Variants in OFD1 observed in about 807,000 individuals in gnomAD.
OFD1 encodes centriole and centriolar satellite protein OFD1.
OFD1 carries 12 observed loss-of-function variants against 81.4 expected under a neutral mutation model. The ratio of observed to expected loss-of-function variants is 0.15; its 90% confidence interval spans 0.09 to 0.24. OFD1 has a LOEUF of 0.24. Ranked by LOEUF, OFD1 falls within the 10% of genes least tolerant of loss-of-function variation. The pLI is 1.00. For synonymous variants in OFD1, 256 were observed against 263.7 expected (o/e 0.97, Z 0.28); for missense variants, 685 against 733.9 (o/e 0.93, Z 0.77).
chrX:13,714,510 G>C, the OFD1 span: 1 of 1,022,879 alleles, frequency 9.8e-7, no homozygotes, highest in Non-Finnish European at 1.3e-6. Flanking sequence ...TGAAAACTAG[G>C]AAAGAAGAAA....
At chrX:13,765,629 C>G (rs111810131) in intron 19 of OFD1, among the ~76,000 whole-genome samples, 2 of 110,719 alleles carry the variant, frequency 1.8e-5, no homozygotes, top group Non-Finnish European at 3.8e-5. Context: ...AAGTCCTCTG[C>G]TGAACCTATG....
upstream of OFD1, chrX:13,734,605 C>A: frequency 1.3e-6 from 1 of 749,106 alleles, no homozygotes; most frequent in Non-Finnish European, 1.7e-6. Context: ...AGCCAGAACG[C>A]CGAAGCAGTT....
upstream of OFD1, among the ~76,000 whole-genome samples, chrX:13,732,170 T>A (rs781360188): frequency 8.9e-6 from 1 of 111,782 alleles, no homozygotes; most frequent in South Asian, 3.8e-4. Flanking sequence ...TTCAATAATA[T>A]TATCATCTTT....
intron 7 of OFD1, 143 bp from the exon 8 acceptor site, chrX:13,746,637 A>G: frequency 4.4e-6 from 3 of 684,418 alleles, no homozygotes; most frequent in Non-Finnish European, 6.6e-6. Flanking sequence ...AATCCTACAA[A>G]TAGAGTGAAT....
upstream of OFD1, among the ~76,000 whole-genome samples, chrX:13,732,188 G>C (rs1031973172): frequency 2.7e-5 from 3 of 111,746 alleles, no homozygotes; most frequent in African/African-American, 9.8e-5. Flanking sequence ...TTTGGGGAAG[G>C]TACTCAGTTC....
In OFD1 at chrX:13,760,672, C is replaced by A; in HGVS notation, c.2212C>A (p.Pro738Thr). The A allele has an allele frequency of 8.3e-7, 1 of 1,211,559 alleles. No individual in the cohort carries two copies. Among genetic ancestry groups the A allele is most frequent in the Non-Finnish European group, 1.1e-6 (1 of 895,364 alleles). ...TTCCTCCAGACGCCTCTCTTCCACA[C>A]CCCTTCCAAAAGCAAAAAGAAGCCT... ...GTSSRRLSST[P>T]LPKAKRSLES... The change falls in exon 16 of 23, where the codon CCC (proline) becomes ACC (threonine). Residue 738 changes from proline (P) to threonine (T), a missense_variant. Coordinates refer to ENST00000340096, the MANE Select transcript of OFD1 (RefSeq NM_003611.3).
chrX:13,764,477 C>A (rs1270966491), intron 19 of OFD1, among the ~76,000 whole-genome samples: 3 of 111,572 alleles, frequency 2.7e-5, no homozygotes, highest in Non-Finnish European at 5.6e-5. Context: ...TACCCACTTC[C>A]CTCCCTGCGG....
chrX:13,725,567 CA>C, the OFD1 span, among the ~76,000 whole-genome samples: 1 of 112,111 alleles, frequency 8.9e-6, no homozygotes, highest in Non-Finnish European at 1.9e-5. Context: ...TCATCATCAA[CA>C]AAAACAACAT....
At chrX:13,767,561 G>A (rs1276794674) in intron 20 of OFD1, among the ~76,000 whole-genome samples, 2 of 112,360 alleles carry the variant, frequency 1.8e-5, no homozygotes, top group Non-Finnish European at 3.8e-5. Flanking sequence ...GGTAGACTGT[G>A]CTTTGCTGCA....
At chrX:13,768,393 T>C (rs1018365533) in intron 21 of OFD1, among the ~76,000 whole-genome samples, 169 bp downstream of exon 21, 1 of 112,562 alleles carries the variant, frequency 8.9e-6, no homozygotes, top group Non-Finnish European at 1.9e-5. Context: ...TACTATTCTT[T>C]TGACAAAAAT....
In OFD1 at chrX:13,756,919, G is replaced by A. The variant is rs922926482; in HGVS notation, c.1411+152G>A. ...TTCTTGGATTAAACTCTGCAAACCT[G>A]CCTATAGGTGGTATCAAAGCTTCCC... On this transcript the variant is annotated intron_variant, in intron 13 of 22. Coordinates refer to ENST00000340096, the MANE Select transcript of OFD1 (RefSeq NM_003611.3). The A allele has an allele frequency of 5.0e-5, 25 of 502,352 alleles. No homozygotes were observed. The Admixed American group carries it at 7.5e-4, about 15-fold the overall frequency. The allele number at this position is 502,352 out of a possible 1,213,427, so 41.4% of individuals were successfully genotyped here.
rs1235702491 is a variant in OFD1 at position 13,769,090 on chromosome X, A to T, written c.3021A>T (p.Glu1007Asp). The change falls in exon 23 of 23, where the codon GAA (glutamate) becomes GAT (aspartate). Residue 1007 changes from glutamate to aspartate, a missense_variant. Coordinates refer to ENST00000340096, the MANE Select transcript of OFD1 (RefSeq NM_003611.3). ...VESLTGFSHEELDDSW is the reference protein window; with the variant it reads ...VESLTGFSHEDLDDSW ...GTTTAACAGGCTTTTCTCATGAAGA[A>T]CTAGACGACTCTTGGTAACCATGTT... The T allele has an allele frequency of 1.7e-6, 2 of 1,197,699 alleles. No individual in the cohort carries two copies. Among genetic ancestry groups the T allele is most frequent in the Admixed American group, 4.3e-5 (2 of 46,068 alleles).
At chrX:13,735,421 T>C (rs2046820897) in intron 2 of OFD1, 75 bp downstream of exon 2, 1 of 769,341 alleles carries the variant, frequency 1.3e-6, no homozygotes. Flanking sequence ...TCAATCAAGG[T>C]TTAGGTTTTA....
chrX:13,733,332 C>T (rs2046721589), upstream of OFD1, among the ~76,000 whole-genome samples: 1 of 111,716 alleles, frequency 9.0e-6, no homozygotes, highest in Admixed American at 9.5e-5. Flanking sequence ...TATTGTTCCA[C>T]CTCTGCTAGC....
intron 6 of OFD1, among the ~76,000 whole-genome samples, chrX:13,745,873 T>C (rs1170456879): frequency 5.3e-5 from 6 of 112,178 alleles, no homozygotes; most frequent in African/African-American, 1.3e-4. Flanking sequence ...GGGGTTGATA[T>C]ACGTGATCTT....
the OFD1 span, chrX:13,720,574 T>A: frequency 1.8e-5 from 2 of 112,618 alleles, no homozygotes; most frequent in African/African-American, 6.4e-5. Context: ...TTGAAGTATG[T>A]GTGCTATAAA....
chrX:13,760,971 C>A, intron 16 of OFD1, 114 bp from the exon 17 acceptor site: 1 of 963,488 alleles, frequency 1.0e-6, no homozygotes, highest in Non-Finnish European at 1.5e-6. Flanking sequence ...TCATAATTGG[C>A]TATTTGTGAG....
chrX:13,723,392 T>TCCTGG, the OFD1 span, among the ~76,000 whole-genome samples: 1 of 110,707 alleles, frequency 9.0e-6, no homozygotes, highest in Admixed American at 9.6e-5. Context: ...GGTCTCACAC[T>TCCTGG]CCTGGCCTCA....
chrX:13,734,785 C>G lies in OFD1; in HGVS notation c.-287C>G, dbSNP rs995544862. On this transcript the variant is annotated 5_prime_UTR_variant, in exon 1 of 23. Transcript: ENST00000340096. ...GCGGTCCTGCCTCGCTGCCTTCAGT[C>G]CCTAGTGTCTGGGTCCCCGCCCTCC... 2.7e-5 allele frequency: 29 copies of G among 1,067,993 alleles called. No homozygotes were observed. Among genetic ancestry groups the G allele is most frequent in the African/African-American group, 7.6e-5 (4 of 52,923 alleles). The allele number at this position is 1,067,993 out of a possible 1,213,427, so 88.0% of individuals were successfully genotyped here. A position where few individuals can be genotyped will look rare whatever the true frequency, so the allele number is the denominator to read the frequency against.
Sources: allele counts gnomAD v4.1 joint callset (sites outside exome capture counted in the v4.1 genomes callset), GRCh38; gene constraint gnomAD v4.1.1; transcripts MANE v1.5; gene names NCBI Gene and HGNC (gene_info 2026-07-23, HGNC 2026-07-21).